SPAG9: variants seen among roughly 807,000 people sequenced by gnomAD.
The protein encoded by SPAG9 is sperm associated antigen 9.
In SPAG9, 35 loss-of-function variants were observed where a neutral mutation model predicts 166.5. The ratio of observed to expected loss-of-function variants is 0.21; its 90% CI spans 0.16 to 0.28. The LOEUF is 0.28. Ranked by LOEUF, SPAG9 falls within the 10% of genes least tolerant of loss-of-function variation. The pLI is 1.00. For missense variants in SPAG9, 1,235 were observed against 1,603.3 expected (o/e 0.77, Z 3.92); for synonymous variants, 534 against 565.5 (o/e 0.94, Z 0.79).
rs1230838274 is a variant in SPAG9, at chr17:51,056,434, G to T, written c.473C>A (p.Ala158Glu). 2 of 1,606,890 alleles carry T rather than the reference G, an allele frequency of 1.2e-6. No homozygotes were observed. Among genetic ancestry groups the T allele is most frequent in the African/African-American group, 1.3e-5 (1 of 74,842 alleles). ...CACCTCAGTGTGTCTTTGATGTAATGCATTATATTCCTTCTTCAGTTCTGC... is the reference window on the plus strand; with the variant it reads ...CACCTCAGTGTGTCTTTGATGTAATTCATTATATTCCTTCTTCAGTTCTGC... The part of the protein sequence containing the change: ...REAELKKEYN[A>E]LHQRHTEMIH... Residue 158 changes from alanine to glutamate, a missense_variant, in exon 3 of 30, where the codon GCA becomes GAA. Physicochemically the swap from Ala to Glu is moderately radical, Grantham distance 107 (BLOSUM62 -1). Coordinates refer to ENST00000262013, the MANE Select transcript of SPAG9 (RefSeq NM_001130528.3).
intron 13 of SPAG9, among the ~76,000 whole-genome samples, chr17:51,000,119 T>C (rs564977311): frequency 6.6e-6 from 1 of 152,304 alleles, no homozygotes; most frequent in African/African-American, 2.4e-5. Flanking sequence ...TCTCACAAAA[T>C]AGCTTGAAAC....
intron 28 of SPAG9, among the ~76,000 whole-genome samples, chr17:50,974,056 TA>T (rs985989501): frequency 5.3e-5 from 8 of 152,230 alleles, no homozygotes; most frequent in African/African-American, 1.4e-4. Context: ...GTCTAGCTCC[TA>T]AACTTGCCTC....
At chr17:51,013,487 ATAAG>A (rs574843411) in intron 9 of SPAG9, among the ~76,000 whole-genome samples, 30 of 152,168 alleles carry the variant, frequency 2.0e-4, no homozygotes, top group Non-Finnish European at 4.1e-4. Context: ...ACCACAGACA[ATAAG>A]TAAATGGTGG....
chr17:50,993,680 G>A, intron 19 of SPAG9, 84 bp downstream of exon 19: 1 of 1,366,774 alleles, frequency 7.3e-7, no homozygotes, highest in Admixed American at 1.8e-5. Flanking sequence ...GCAAGGTGCA[G>A]AACTGCATCT....
chr17:50,977,012 T>A, intron 27 of SPAG9, 96 bp downstream of exon 27: 1 of 759,920 alleles, frequency 1.3e-6, no homozygotes, highest in South Asian at 1.6e-5. Context: ...TTGCCATCAC[T>A]GATTTTCTGA....
intron 12 of SPAG9, 116 bp from the exon 13 acceptor site, chr17:51,001,961 A>G: frequency 2.2e-6 from 2 of 901,584 alleles, no homozygotes; most frequent in Non-Finnish European, 3.4e-6. Context: ...TTAATCTAGT[A>G]GATCATTTAA....
chr17:51,073,830 C>G (rs1197580822), intron 2 of SPAG9, among the ~76,000 whole-genome samples: 1 of 152,026 alleles, frequency 6.6e-6, no homozygotes, highest in Non-Finnish European at 1.5e-5. Context: ...AGGCCGGGCA[C>G]GGTGGCTCAC....
intron 3 of SPAG9, among the ~76,000 whole-genome samples, chr17:51,056,198 T>C (rs2047358450): frequency 6.6e-6 from 1 of 152,194 alleles, no homozygotes; most frequent in East Asian, 1.9e-4. Flanking sequence ...TTCTGTAGCA[T>C]ACTAATTCAC....
intron 5 of SPAG9, 129 bp from the exon 6 acceptor site, chr17:51,031,851 A>T: frequency 1.3e-6 from 1 of 754,420 alleles, no homozygotes; most frequent in East Asian, 2.7e-5. Flanking sequence ...GTTTAAAATG[A>T]GGGTTTGGAA....
At chr17:51,111,640 T>C (rs1208399431) in intron 1 of SPAG9, among the ~76,000 whole-genome samples, 1 of 152,184 alleles carries the variant, frequency 6.6e-6, no homozygotes, top group Non-Finnish European at 1.5e-5. Context: ...TCTCACTCTG[T>C]AGCTCAGGCT....
At chr17:51,026,965 T>C (rs1350049936) in intron 6 of SPAG9, among the ~76,000 whole-genome samples, 1 of 152,260 alleles carries the variant, frequency 6.6e-6, no homozygotes, top group South Asian at 2.1e-4. Flanking sequence ...TGTGAGCCAC[T>C]GCGCCCGGCC....
At chr17:51,018,974 T>C (rs1367656615) in intron 8 of SPAG9, among the ~76,000 whole-genome samples, 2 of 152,202 alleles carry the variant, frequency 1.3e-5, no homozygotes, top group African/African-American at 4.8e-5. Flanking sequence ...AATTCAGCTG[T>C]TGCCAATGTG....
At chr17:51,095,328 A>T (rs1161737763) in intron 1 of SPAG9, among the ~76,000 whole-genome samples, 1 of 121,166 alleles carries the variant, frequency 8.3e-6, no homozygotes, top group African/African-American at 3.1e-5. Flanking sequence ...AAAAAGTGGC[A>T]GCCAGGCACG....
At chr17:51,119,557 T>C (rs1005513) in intron 1 of SPAG9, among the ~76,000 whole-genome samples, 48,602 of 151,956 alleles carry the variant, frequency 0.32, 7,901 homozygotes, top group Admixed American at 0.37. Flanking sequence ...AGTTAACAGG[T>C]GGCCAAATGC....
At chr17:51,002,117 G>A (rs1041807411) in intron 12 of SPAG9, among the ~76,000 whole-genome samples, 2 of 152,092 alleles carry the variant, frequency 1.3e-5, no homozygotes, top group African/African-American at 4.8e-5. Flanking sequence ...CTGGGTTAAA[G>A]CAATCTGCCC....
Position 51,120,811 on chromosome 17 carries a change from G to A in SPAG9, c.-155C>T. On this transcript the variant is annotated 5_prime_UTR_variant, in exon 1 of 30. Coordinates refer to ENST00000262013, the MANE Select transcript of SPAG9 (RefSeq NM_001130528.3). The surrounding 1 kb of genome is among the most constrained non-coding windows in gnomAD (Gnocchi z 4.7). ...GCCCGGCGGGGTGGGGGCCGGGGCC[G>A]GAGGAGGGGAGGGGTGGCGTAGGCG... The A allele has an allele frequency of 2.0e-6, 1 of 496,424 alleles. No individual in the cohort carries two copies. Among genetic ancestry groups the A allele is most frequent in the Non-Finnish European group, 3.3e-6 (1 of 303,186 alleles). The allele number at this position is 496,424 out of a possible 1,614,324, so 30.8% of individuals were successfully genotyped here.
chr17:51,038,456 A>G (rs1370947729), intron 5 of SPAG9, among the ~76,000 whole-genome samples: 1 of 152,202 alleles, frequency 6.6e-6, no homozygotes, highest in Non-Finnish European at 1.5e-5. Flanking sequence ...GAATATATTG[A>G]AATATATAAA....
chr17:51,109,104 C>T lies in SPAG9; in HGVS notation c.303+11250G>A, dbSNP rs549684164. Reference sequence around the variant, plus strand: ...CTCGAACTCCTGACCTCAGGTGATCCGCCCGCCTCAGACTCCCCAAGTGCT... The same window carrying T: ...CTCGAACTCCTGACCTCAGGTGATCTGCCCGCCTCAGACTCCCCAAGTGCT... On this transcript the variant is annotated intron_variant, in intron 1 of 29. Coordinates refer to ENST00000262013, the MANE Select transcript of SPAG9 (RefSeq NM_001130528.3). Among the ~76,000 whole-genome samples, 13 of 151,860 alleles carry T rather than the reference C, an allele frequency of 8.6e-5. No homozygotes were observed. In the South Asian group the frequency reaches 2.1e-3, roughly 24 times the overall value.
At chr17:51,041,443 T>G in intron 5 of SPAG9, 58 bp downstream of exon 5, 1 of 1,505,848 alleles carries the variant, frequency 6.6e-7, no homozygotes, top group Non-Finnish European at 9.0e-7. Flanking sequence ...GCACTTCAAT[T>G]AGGATAAGAA....
Sources: allele counts gnomAD v4.1 joint callset (sites outside exome capture counted in the v4.1 genomes callset), GRCh38; gene constraint gnomAD v4.1.1; non-coding constraint Gnocchi (gnomAD v3.1); transcripts MANE v1.5; gene names NCBI Gene and HGNC (gene_info 2026-07-23, HGNC 2026-07-21).